Variants in UGP2 observed in about 807,000 individuals in gnomAD.
UGP2 encodes UTP--glucose-1-phosphate uridylyltransferase.
Under a neutral mutation model 49.0 loss-of-function variants are expected in UGP2, and 40 were observed. The ratio of observed to expected loss-of-function variants is 0.82; its 90% CI spans 0.63 to 1.06. UGP2 has a LOEUF of 1.06. Among genes scored for constraint, UGP2 ranks in the 50% least tolerant of loss-of-function variants. The pLI is 0.00. For synonymous variants in UGP2, 225 were observed against 213.0 expected (o/e 1.06, Z -0.49); for missense variants, 460 against 603.5 (o/e 0.76, Z 2.49).
chr2:63,877,759 C>T (rs948593568), intron 3 of UGP2, among the ~76,000 whole-genome samples: 15 of 150,998 alleles, frequency 9.9e-5, no homozygotes, highest in African/African-American at 3.4e-4. Flanking sequence ...TTGGGGAGGC[C>T]GAGGCGGGTG....
At chr2:63,879,490 T>G (rs1319943036) in intron 3 of UGP2, among the ~76,000 whole-genome samples, 1 of 152,214 alleles carries the variant, frequency 6.6e-6, no homozygotes, top group Non-Finnish European at 1.5e-5. Context: ...AACAACAAAC[T>G]CAATGATATC....
At chr2:63,855,520 G>GTTTTTTTTTTTTTTTTTTTTTTTTTTCT in intron 1 of UGP2, 1 of 192,240 alleles carries the variant, frequency 5.2e-6, no homozygotes. Flanking sequence ...TTCTTTTTCT[G>GTTTTTTTTTTTTTTTTTTTTTTTTTTCT]TTTTTTTTTT....
At chr2:63,879,643 C>T (rs1482924594) in intron 3 of UGP2, among the ~76,000 whole-genome samples, 2 of 152,146 alleles carry the variant, frequency 1.3e-5, no homozygotes, top group East Asian at 1.9e-4. Flanking sequence ...AATGAAAGTC[C>T]GGATACCCGT....
Position 63,857,854 on chromosome 2 carries a change from T to A in UGP2, c.173T>A (p.Phe58Tyr). The change falls in exon 3 of 10, where the codon TTT (phenylalanine) becomes TAT (tyrosine). Residue 58 changes from phenylalanine (F) to tyrosine (Y), a missense_variant. Transcript: ENST00000337130. The stretch of plus-strand genomic sequence containing the variant: ...CACACCAAAAAAGACCTGGATGGAT[T>A]TCGGAAGCTATTTCATAGATTTTTG... Reference protein sequence around the residue: ...FEHTKKDLDGFRKLFHRFLQE... With the variant: ...FEHTKKDLDGYRKLFHRFLQE... The A allele has an allele frequency of 6.2e-7, 1 of 1,614,066 alleles. No individual in the cohort carries two copies. Among genetic ancestry groups the A allele is most frequent in the Non-Finnish European group, 8.5e-7 (1 of 1,179,960 alleles).
chr2:63,868,446 T>C (rs986025740), intron 3 of UGP2, among the ~76,000 whole-genome samples: 2 of 152,174 alleles, frequency 1.3e-5, no homozygotes, highest in Non-Finnish European at 2.9e-5. Flanking sequence ...GAAGGAAATA[T>C]TGTAGTTCAC....
chr2:63,872,751 C>T (rs1670641531), intron 3 of UGP2, among the ~76,000 whole-genome samples: 1 of 149,446 alleles, frequency 6.7e-6, no homozygotes, highest in Non-Finnish European at 1.5e-5. Context: ...GAATTTCAGA[C>T]ATTTCTCACT....
At chr2:63,886,593 T>G in intron 7 of UGP2, 55 bp downstream of exon 7, 1 of 1,593,090 alleles carries the variant, frequency 6.3e-7, no homozygotes, top group Non-Finnish European at 8.6e-7. Context: ...CATAGTAGGC[T>G]ACACACAGAC....
At position 63,847,738 on chromosome 2, in the gene UGP2, C is replaced by T. The variant is rs540454616; in HGVS notation, c.19+5534C>T. Among the ~76,000 whole-genome samples, 6 of 152,274 alleles carry T rather than the reference C, an allele frequency of 3.9e-5. No individual in the cohort carries two copies. In the East Asian group the frequency reaches 7.7e-4, roughly 20 times the overall value. On this transcript the variant is annotated intron_variant, in intron 1 of 9. Coordinates refer to ENST00000337130, the MANE Select transcript of UGP2 (RefSeq NM_006759.4). ...AAGGACTTTCACAAGGTAATGTCAT[C>T]AGTTAAGGCAAGGACCGGCCATTTA...
chr2:63,880,169 C>G (rs562499529), intron 3 of UGP2, among the ~76,000 whole-genome samples: 2 of 147,456 alleles, frequency 1.4e-5, no homozygotes, highest in Admixed American at 6.7e-5. Flanking sequence ...TCCCCCTTCC[C>G]CCTACCCCTC....
intron 3 of UGP2, among the ~76,000 whole-genome samples, chr2:63,870,771 AGGT>A (rs2104319552): frequency 1.3e-5 from 2 of 152,326 alleles, no homozygotes; most frequent in South Asian, 4.1e-4. Context: ...GGGGAGTATC[AGGT>A]GGAAGTTTCT....
intron 3 of UGP2, among the ~76,000 whole-genome samples, chr2:63,880,629 A>G (rs1029999144): frequency 6.6e-5 from 10 of 152,190 alleles, no homozygotes; most frequent in African/African-American, 2.4e-4. Flanking sequence ...GTTTCTTTGA[A>G]ATGCTGAACA....
Position 63,868,143 on chromosome 2 carries a change from G to C in UGP2, c.255+10207G>C, listed in dbSNP as rs553707738. Among the ~76,000 whole-genome samples, 6 of 152,310 alleles carry C rather than the reference G, an allele frequency of 3.9e-5. No homozygotes were observed. The South Asian group carries it at 1.2e-3, about 32-fold the overall frequency. On this transcript the variant is annotated intron_variant, in intron 3 of 9. Transcript: ENST00000337130. ...AATGTAAGAGGTAGGCCTTGTCTTA[G>C]AGGACTATTGTAGCTATTAAAATAA... is the stretch of plus-strand genomic sequence containing the variant.
At chr2:63,843,214 G>A (rs1212871569) in intron 1 of UGP2, among the ~76,000 whole-genome samples, 1 of 152,226 alleles carries the variant, frequency 6.6e-6, no homozygotes, top group Non-Finnish European at 1.5e-5. Context: ...TAAATTTTGT[G>A]TAGTAGATTA....
chr2:63,845,880 C>T (rs559309250), intron 1 of UGP2, among the ~76,000 whole-genome samples: 2 of 151,964 alleles, frequency 1.3e-5, no homozygotes, highest in Non-Finnish European at 2.9e-5. Context: ...GCATATTGAC[C>T]GTAAACTATT....
intron 3 of UGP2, among the ~76,000 whole-genome samples, chr2:63,874,181 A>G (rs1670753199): frequency 6.6e-6 from 1 of 152,206 alleles, no homozygotes; most frequent in African/African-American, 2.4e-5. Flanking sequence ...GAAAGGGGAA[A>G]AAAATGATGT....
At chr2:63,854,526 G>A (rs936061530) in intron 1 of UGP2, among the ~76,000 whole-genome samples, 2 of 152,170 alleles carry the variant, frequency 1.3e-5, no homozygotes, top group Middle Eastern at 3.2e-3. Flanking sequence ...CAGGATGGAT[G>A]AAGAAGTCAC....
chr2:63,862,745 C>T (rs1227216609), intron 3 of UGP2: 15 of 448,956 alleles, frequency 3.3e-5, no homozygotes, highest in Non-Finnish European at 2.2e-5. Context: ...ACTATTTGAA[C>T]ATTGCCAGTC....
chr2:63,858,022 T>A, intron 3 of UGP2, 86 bp downstream of exon 3: 4 of 1,206,952 alleles, frequency 3.3e-6, no homozygotes, highest in Non-Finnish European at 4.8e-6. Flanking sequence ...GTAGGGGACC[T>A]ATAACAATCA....
At chr2:63,845,804 T>C (rs1031004877) in intron 1 of UGP2, among the ~76,000 whole-genome samples, 2 of 152,192 alleles carry the variant, frequency 1.3e-5, no homozygotes, top group African/African-American at 4.8e-5. Context: ...TATACTTGGC[T>C]TGTATCTCCT....
Sources: allele counts gnomAD v4.1 joint callset (sites outside exome capture counted in the v4.1 genomes callset), GRCh38; gene constraint gnomAD v4.1.1; transcripts MANE v1.5; gene names NCBI Gene and HGNC (gene_info 2026-07-23, HGNC 2026-07-21).